The following POU2F2 variants were observed in gnomAD, a reference collection of about 807,000 sequenced individuals.
POU2F2 encodes POU class 2 homeobox 2, also known as POU domain, class 2, transcription factor 2.
POU2F2 carries 14 observed loss-of-function variants against 63.5 expected under a neutral mutation model. That is an observed-to-expected ratio of 0.22 (90% CI 0.15 to 0.34). POU2F2 has a LOEUF of 0.34. POU2F2 is among the 10% of genes least tolerant of loss of function. The pLI, the probability that POU2F2 is intolerant of heterozygous loss-of-function variation, is 1.00. For missense variants in POU2F2, 607 were observed against 815.2 expected (o/e 0.74, Z 3.11); for synonymous variants, 306 against 348.6 (o/e 0.88, Z 1.36).
chr19:42,142,519 C>T (rs1368833149), intron 2 of POU2F2, among the ~76,000 whole-genome samples: 2 of 149,200 alleles, frequency 1.3e-5, no homozygotes, highest in African/African-American at 5.0e-5. Context: ...TGAGATTGTA[C>T]TTGTTTTTTG....
intron 1 of POU2F2, among the ~76,000 whole-genome samples, chr19:42,164,366 G>A (rs1047546773): frequency 2.6e-5 from 4 of 151,818 alleles, no homozygotes; most frequent in Admixed American, 6.6e-5. Flanking sequence ...CAAGGCAGGC[G>A]GATCACCTGA....
chr19:42,131,724 G>A (rs891188010), intron 1 of POU2F2, among the ~76,000 whole-genome samples: 4 of 152,156 alleles, frequency 2.6e-5, no homozygotes, highest in Non-Finnish European at 4.4e-5. Flanking sequence ...GATACGTGCC[G>A]TGAAGAAAAG....
chr19:42,157,338 C>T (rs2034476392), intron 2 of POU2F2: 1 of 152,296 alleles, frequency 6.6e-6, no homozygotes, highest in Non-Finnish European at 1.5e-5. Flanking sequence ...CTCCCCTAAC[C>T]CAGCATCCTG....
chr19:42,191,115 G>A (rs1222299588), intron 1 of POU2F2, among the ~76,000 whole-genome samples: 2 of 151,718 alleles, frequency 1.3e-5, no homozygotes, highest in Non-Finnish European at 2.9e-5. Flanking sequence ...GGATTGTAAG[G>A]GAATTGAGAG....
At chr19:42,163,721 T>G (rs2034595884) in intron 1 of POU2F2, among the ~76,000 whole-genome samples, 1 of 152,124 alleles carries the variant, frequency 6.6e-6, no homozygotes, top group Non-Finnish European at 1.5e-5. Context: ...TGTGAGAGGC[T>G]TCACATCCAA....
rs1188910837 is a variant in POU2F2, at chr19:42,091,859, G to A, written c.1540+8C>T. On this transcript the variant is annotated splice_region_variant and intron_variant, in intron 14 of 14. Transcript: ENST00000692977. ...GTGACGATGGGTGTGACATGAGGCA[G>A]CACGCACCTTGGATAGTGGCCAAAG... is the stretch of plus-strand genomic sequence containing the variant. The A allele has an allele frequency of 1.1e-5, 17 of 1,538,710 alleles. No individual in the cohort carries two copies. The highest frequency in any genetic ancestry group is 1.4e-5 in the Non-Finnish European group (16 of 1,146,906).
chr19:42,140,812 G>A lies in POU2F2; in HGVS notation c.-8-18236C>T, dbSNP rs551721588. Among the ~76,000 whole-genome samples, 3 of 152,306 alleles carry A rather than the reference G, an allele frequency of 2.0e-5. No individual in the cohort carries two copies. The East Asian group carries it at 5.8e-4, about 29-fold the overall frequency. On this transcript the variant is annotated intron_variant, in intron 2 of 6. Coordinates refer to the POU2F2 transcript ENST00000524801. ...AGTGCCTGGCATATAGTTGATGCTT[G>A]AACCTTACTTGTTGAATGAATAAAT...
chr19:42,139,251 C>T (rs913245572), intron 2 of POU2F2, among the ~76,000 whole-genome samples: 3 of 152,036 alleles, frequency 2.0e-5, no homozygotes, highest in Non-Finnish European at 4.4e-5. Context: ...ACCCAGGAGG[C>T]GGAGGTTGCA....
intron 1 of POU2F2, among the ~76,000 whole-genome samples, chr19:42,175,253 C>T (rs757759368): frequency 3.2e-4 from 48 of 152,180 alleles, no homozygotes; most frequent in Non-Finnish European, 3.8e-4. Flanking sequence ...CCCAAACCCC[C>T]ACTCAGGGTA....
At chr19:42,189,876 C>G (rs973959906) in intron 1 of POU2F2, among the ~76,000 whole-genome samples, 1 of 152,182 alleles carries the variant, frequency 6.6e-6, no homozygotes, top group Non-Finnish European at 1.5e-5. Flanking sequence ...CAAGTGCACA[C>G]CACCATACTT....
chr19:42,134,994 A>T (rs1330717489), upstream of POU2F2, among the ~76,000 whole-genome samples: 2 of 151,726 alleles, frequency 1.3e-5, no homozygotes, highest in Non-Finnish European at 2.9e-5. Context: ...TTCACCCCTC[A>T]GGGCCCCCCA....
chr19:42,166,073 CTGGGGATGGCCCCTTATCTCTGACAGT>C (rs1378547032), intron 1 of POU2F2, among the ~76,000 whole-genome samples: 1 of 152,220 alleles, frequency 6.6e-6, no homozygotes, highest in Non-Finnish European at 1.5e-5. Context: ...TTAAGGATGG[CTGGGGATGGCCCCTTATCTCTGACAGT>C]TGCTGCCGCA....
chr19:42,168,257 C>A (rs2034691386), intron 1 of POU2F2, among the ~76,000 whole-genome samples: 1 of 152,198 alleles, frequency 6.6e-6, no homozygotes, highest in Non-Finnish European at 1.5e-5. Flanking sequence ...CCTGTCCCCA[C>A]ACGAGGCTCA....
chr19:42,092,195 G>GCCCCCC lies in POU2F2; in HGVS notation c.1339_1340insGGGGGG (p.Gly445_Gly446dup). 1 of 1,544,968 alleles carries GCCCCCC rather than the reference G, an allele frequency of 6.5e-7. No homozygotes were observed. Among genetic ancestry groups the GCCCCCC allele is most frequent in the Non-Finnish European group, 8.7e-7 (1 of 1,149,184 alleles). On this transcript the variant is annotated inframe_insertion, in exon 13 of 15. Coordinates refer to ENST00000692977, the MANE Select transcript of POU2F2 (RefSeq NM_001394376.1). The surrounding 1 kb of genome is among the most constrained non-coding windows in gnomAD (Gnocchi z 5.0). ...GGGGATGGAATTGAGGGGGGGCGCA[G>GCCCCCC]CCCCGCCCCCGCCCCCACCCCCTCC...
At chr19:42,100,085 CTTTTTTT>C (rs948283094) in intron 5 of POU2F2, among the ~76,000 whole-genome samples, 6 of 77,080 alleles carry the variant, frequency 7.8e-5, no homozygotes, top group Non-Finnish European at 1.3e-4. Context: ...CCCTTTCTTT[CTTTTTTT>C]TTTTTTTTTT....
intron 2 of POU2F2, among the ~76,000 whole-genome samples, chr19:42,158,900 T>A (rs2034504510): frequency 6.7e-6 from 1 of 149,894 alleles, no homozygotes; most frequent in Non-Finnish European, 1.5e-5. Context: ...TGAGGATTCC[T>A]GGAAAAACTG....
intron 5 of POU2F2, among the ~76,000 whole-genome samples, chr19:42,110,011 C>T (rs1218786272): frequency 2.0e-5 from 3 of 152,038 alleles, no homozygotes; most frequent in Non-Finnish European, 2.9e-5. Flanking sequence ...AATCCCTGCA[C>T]TTTGGGAGGC....
chr19:42,116,907 G>A (rs757331880), intron 5 of POU2F2: 64 of 511,668 alleles, frequency 1.3e-4, no homozygotes, highest in African/African-American at 2.5e-4. Flanking sequence ...CGGCGTTAGC[G>A]GCAGCGGCGG....
chr19:42,169,169 G>T lies in POU2F2; in HGVS notation c.-70+6794C>A, dbSNP rs1320345433. Among the ~76,000 whole-genome samples, 1 of 152,144 alleles carries T rather than the reference G, an allele frequency of 6.6e-6. No homozygotes were observed. The highest frequency in any genetic ancestry group is 1.9e-4 in the East Asian group (1 of 5,194). ...TAGGGGGATGAGGCTAGCCTGGGGG[G>T]TGTTTGTGTGCTATAACTCAGGGCA... On this transcript the variant is annotated intron_variant, in intron 1 of 6. Transcript: ENST00000524801. The surrounding 1 kb of genome is among the most constrained non-coding windows in gnomAD (Gnocchi z 4.3).
Sources: gnomAD v4.1 joint callset for allele counts (sites outside exome capture counted in the v4.1 genomes callset) on GRCh38, gnomAD v4.1.1 for gene constraint, Gnocchi (gnomAD v3.1) non-coding constraint, MANE v1.5 for transcripts, NCBI Gene and HGNC (gene_info 2026-07-23, HGNC 2026-07-21) for gene names.